The following ATRNL1 variants were observed in gnomAD, a reference collection of about 807,000 sequenced individuals.
ATRNL1 encodes the protein attractin-like protein 1.
In ATRNL1, 95 loss-of-function variants were observed where a neutral mutation model predicts 182.7. The observed-to-expected ratio is 0.52, with a 90% CI of 0.44 to 0.62. ATRNL1 has a LOEUF of 0.62. ATRNL1 is among the 20% of genes least tolerant of loss of function. The pLI, the probability that ATRNL1 is intolerant of heterozygous loss-of-function variation, is 0.00. For missense variants in ATRNL1, 1,471 were observed against 1,679.5 expected, an observed-to-expected ratio of 0.88 and a Z score of 2.17; for synonymous variants, 576 against 568.3, an observed-to-expected ratio of 1.01 and a Z score of -0.19.
At chr10:115,923,638 T>C (rs1555119226) in intron 28 of ATRNL1, among the ~76,000 whole-genome samples, 1 of 152,238 alleles carries the variant, frequency 6.6e-6, no homozygotes, top group Non-Finnish European at 1.5e-5. Flanking sequence ...CCACATTTTC[T>C]TTATCCGGTC....
intron 26 of ATRNL1, among the ~76,000 whole-genome samples, chr10:115,715,595 A>T (rs1947223888): frequency 6.6e-6 from 1 of 152,238 alleles, no homozygotes; most frequent in African/African-American, 2.4e-5. Context: ...GTCAACATGA[A>T]AGAAAACATG....
intron 21 of ATRNL1, among the ~76,000 whole-genome samples, chr10:115,458,298 T>C (rs977213173): frequency 1.3e-5 from 2 of 152,266 alleles, no homozygotes; most frequent in East Asian, 3.9e-4. Context: ...AGTGGAAAAT[T>C]GTGCAGTTGG....
intron 19 of ATRNL1, among the ~76,000 whole-genome samples, chr10:115,387,740 A>T (rs546500784): frequency 6.6e-6 from 1 of 152,120 alleles, no homozygotes; most frequent in East Asian, 1.9e-4. Context: ...TTTAAGATTC[A>T]TCTATGTAGC....
intron 5 of ATRNL1, among the ~76,000 whole-genome samples, chr10:115,142,417 T>C (rs1845789553): frequency 6.6e-6 from 1 of 151,810 alleles, no homozygotes; most frequent in Non-Finnish European, 1.5e-5. Flanking sequence ...ATGGGGAGAT[T>C]AGTCAGATAT....
chr10:115,281,222 C>A, intron 13 of ATRNL1, 133 bp from the exon 14 acceptor site: 1 of 695,062 alleles, frequency 1.4e-6, no homozygotes, highest in Non-Finnish European at 2.2e-6. Flanking sequence ...AAGGGAGAGT[C>A]TGATTCAGTT....
chr10:115,650,021 T>C (rs1260429931), intron 26 of ATRNL1, among the ~76,000 whole-genome samples: 1 of 152,170 alleles, frequency 6.6e-6, no homozygotes. Context: ...TATGTTTCTT[T>C]ACAAAGTATC....
chr10:115,341,937 A>G (rs1261642091), intron 19 of ATRNL1, among the ~76,000 whole-genome samples: 3 of 152,076 alleles, frequency 2.0e-5, no homozygotes, highest in Non-Finnish European at 4.4e-5. Context: ...TGTAGGCAAC[A>G]GATTATTGAG....
At chr10:115,672,749 T>A (rs1293193711) in intron 26 of ATRNL1, among the ~76,000 whole-genome samples, 2 of 152,214 alleles carry the variant, frequency 1.3e-5, no homozygotes, top group Non-Finnish European at 2.9e-5. Context: ...ATTGGCCAAT[T>A]TTTGTCTTTC....
At chr10:115,595,049 C>T (rs1258061743) in intron 26 of ATRNL1, among the ~76,000 whole-genome samples, 1 of 152,108 alleles carries the variant, frequency 6.6e-6, no homozygotes. Context: ...TCTGTGTAAC[C>T]ATCATCCATA....
At chr10:115,095,930 G>T (rs1294148044) in intron 1 of ATRNL1, among the ~76,000 whole-genome samples, 1 of 152,168 alleles carries the variant, frequency 6.6e-6, no homozygotes, top group Non-Finnish European at 1.5e-5. Flanking sequence ...AAAATTTGCT[G>T]CAGTCCTGAG....
chr10:115,897,931 T>G (rs1367413935), intron 28 of ATRNL1, among the ~76,000 whole-genome samples: 2 of 150,044 alleles, frequency 1.3e-5, no homozygotes, highest in East Asian at 3.9e-4. Context: ...AGGTCATCCT[T>G]ATTTTTTTTT....
chr10:115,704,766 A>C lies in ATRNL1; in HGVS notation c.3796-22482A>C, dbSNP rs536810384. Among the ~76,000 whole-genome samples, 4 of 152,050 alleles carry C rather than the reference A, an allele frequency of 2.6e-5. No homozygotes were observed. The South Asian group carries it at 8.3e-4, about 32-fold the overall frequency. ...ACCACATTTTCTTATATTCTAAAGA[A>C]AGCAAAATATTGACTGTTCTATGCT... On this transcript the variant is annotated intron_variant, in intron 26 of 28. Coordinates refer to ENST00000355044, the MANE Select transcript of ATRNL1 (RefSeq NM_207303.4).
chr10:115,939,892 A>G (rs1555123785), intron 28 of ATRNL1, among the ~76,000 whole-genome samples: 1 of 152,166 alleles, frequency 6.6e-6, no homozygotes, highest in Non-Finnish European at 1.5e-5. Context: ...GTGTGCCAAA[A>G]ATGGCAACAC....
At chr10:115,405,909 T>A (rs1363330440) in intron 20 of ATRNL1, among the ~76,000 whole-genome samples, 4 of 145,260 alleles carry the variant, frequency 2.8e-5, no homozygotes, top group African/African-American at 1.0e-4. Context: ...ATTCTCATTG[T>A]TCAGTTCCCA....
chr10:115,359,968 C>T (rs553684431), intron 19 of ATRNL1, among the ~76,000 whole-genome samples: 31 of 151,554 alleles, frequency 2.0e-4, no homozygotes, highest in African/African-American at 7.5e-4. Context: ...TGTAAGCGTC[C>T]AACTTCTGGA....
intron 8 of ATRNL1, among the ~76,000 whole-genome samples, chr10:115,185,437 G>C (rs563350084): frequency 1.3e-5 from 2 of 151,994 alleles, no homozygotes; most frequent in Non-Finnish European, 2.9e-5. Context: ...CCTTCTAGGG[G>C]ATCCCATTGG....
intron 27 of ATRNL1, among the ~76,000 whole-genome samples, chr10:115,778,748 G>T (rs868911254): frequency 6.6e-6 from 1 of 152,312 alleles, no homozygotes. Flanking sequence ...GAAAAGTTGA[G>T]AGCTTTTTGG....
chr10:115,595,607 G>A (rs1048832298), intron 26 of ATRNL1, among the ~76,000 whole-genome samples: 3 of 152,142 alleles, frequency 2.0e-5, no homozygotes, highest in Non-Finnish European at 4.4e-5. Context: ...CTTACTTGGA[G>A]TGGCTGGATC....
At chr10:115,493,336 A>C (rs1251962179) in intron 24 of ATRNL1, among the ~76,000 whole-genome samples, 3 of 152,092 alleles carry the variant, frequency 2.0e-5, no homozygotes, top group African/African-American at 7.2e-5. Context: ...CTCTATGTTT[A>C]GCACCTTCTC....
Sources: allele counts gnomAD v4.1 joint callset (sites outside exome capture counted in the v4.1 genomes callset), GRCh38; gene constraint gnomAD v4.1.1; transcripts MANE v1.5; gene names NCBI Gene and HGNC (gene_info 2026-07-23, HGNC 2026-07-21).